The following NCKAP5 variants were observed in gnomAD, a reference collection of about 807,000 sequenced individuals.
The protein encoded by NCKAP5 is NCK associated protein 5.
Under a neutral mutation model 167.0 loss-of-function variants are expected in NCKAP5, and 92 were observed. The observed-to-expected ratio is 0.55, with a 90% CI of 0.47 to 0.66. NCKAP5 has a LOEUF of 0.66. Among genes scored for constraint, NCKAP5 ranks in the 30% least tolerant of loss-of-function variants. The pLI, the probability that NCKAP5 is intolerant of heterozygous loss-of-function variation, is 0.00. For missense variants in NCKAP5, 2,378 were observed against 2,315.0 expected (o/e 1.03, Z -0.56); for synonymous variants, 891 against 877.4 (o/e 1.02, Z -0.27).
chr2:133,359,606 G>A (rs1684964748), intron 3 of NCKAP5, among the ~76,000 whole-genome samples: 1 of 152,198 alleles, frequency 6.6e-6, no homozygotes, highest in East Asian at 1.9e-4. Context: ...AAAAGTTATT[G>A]AATTCACCAT....
intron 3 of NCKAP5, among the ~76,000 whole-genome samples, chr2:133,445,517 A>C (rs1691138501): frequency 1.3e-5 from 2 of 152,198 alleles, no homozygotes; most frequent in Non-Finnish European, 2.9e-5. Context: ...CCCTGACTTC[A>C]AACTCTAAAT....
chr2:133,591,621 G>C, the NCKAP5 span, among the ~76,000 whole-genome samples: 1 of 152,140 alleles, frequency 6.6e-6, no homozygotes, highest in Admixed American at 6.6e-5. Context: ...GAAAGCGCTT[G>C]GGCGGCACAA....
chr2:133,520,943 C>T (rs562788505), intron 2 of NCKAP5, among the ~76,000 whole-genome samples: 73 of 152,242 alleles, frequency 4.8e-4, no homozygotes, highest in Middle Eastern at 3.4e-3. Flanking sequence ...CATGTACTGG[C>T]CCCACTCCAA....
rs548038000 is a variant in NCKAP5 at position 133,531,690 on chromosome 2, G to C, written c.-61-14103C>G. On this transcript the variant is annotated intron_variant, in intron 2 of 19. Coordinates refer to ENST00000409261, the MANE Select transcript of NCKAP5 (RefSeq NM_207363.3). Reference sequence around the variant, plus strand: ...AGTAATGTTTTTATCCATAAGAATGGGATTGATTTCTTTGTAGCTACCAAT... The same window carrying C: ...AGTAATGTTTTTATCCATAAGAATGCGATTGATTTCTTTGTAGCTACCAAT... Among the ~76,000 whole-genome samples the C allele has an allele frequency of 3.3e-5, 5 of 152,006 alleles. No homozygotes were observed. In the South Asian group the frequency reaches 8.3e-4, roughly 25 times the overall value.
rs746890756 is a variant in NCKAP5, at chr2:133,129,962, C to T, written c.341+16G>A. 5.7e-6 allele frequency: 9 copies of T among 1,585,578 alleles called. No homozygotes were observed. The highest frequency in any genetic ancestry group is 3.8e-5 in the Admixed American group (2 of 53,248). The stretch of plus-strand genomic sequence containing the variant: ...GATGCACCTCAGGAAGCAATCTGCT[C>T]AGCTAAGAACAATACCTGGAGAACT... On this transcript the variant is annotated intron_variant, in intron 6 of 19. Coordinates refer to ENST00000409261, the MANE Select transcript of NCKAP5 (RefSeq NM_207363.3).
chr2:133,644,112 TG>T, the NCKAP5 span, among the ~76,000 whole-genome samples: 2 of 152,204 alleles, frequency 1.3e-5, no homozygotes, highest in African/African-American at 4.8e-5. Flanking sequence ...TAGTTAGTTA[TG>T]CATTATTCTG....
intron 3 of NCKAP5, among the ~76,000 whole-genome samples, chr2:133,307,289 A>G (rs1168997938): frequency 2.0e-5 from 3 of 152,240 alleles, no homozygotes; most frequent in Admixed American, 6.5e-5. Context: ...TGTGATTGAT[A>G]AAAAGGCCAG....
chr2:133,639,133 A>C, the NCKAP5 span, among the ~76,000 whole-genome samples: 1 of 152,184 alleles, frequency 6.6e-6, no homozygotes, highest in African/African-American at 2.4e-5. Context: ...TATACCATCT[A>C]CTAGGTTGGC....
chr2:133,514,074 C>T (rs1188867276), intron 3 of NCKAP5, among the ~76,000 whole-genome samples: 4 of 152,080 alleles, frequency 2.6e-5, no homozygotes, highest in Non-Finnish European at 4.4e-5. Flanking sequence ...GAAGAGGACT[C>T]GATTTCTGGG....
chr2:133,279,985 T>A (rs184395312), intron 4 of NCKAP5, among the ~76,000 whole-genome samples: 2 of 152,360 alleles, frequency 1.3e-5, no homozygotes, highest in East Asian at 3.9e-4. Context: ...CAATTTTTAA[T>A]AATACATCTT....
intron 8 of NCKAP5, among the ~76,000 whole-genome samples, chr2:132,902,640 A>T (rs578258407): frequency 1.1e-4 from 16 of 152,318 alleles, no homozygotes; most frequent in Admixed American, 3.3e-4. Flanking sequence ...TTTTCAGCAT[A>T]AAAGGCTTGA....
At chr2:132,726,312 T>C (rs1411317040) in intron 18 of NCKAP5, among the ~76,000 whole-genome samples, 1 of 152,226 alleles carries the variant, frequency 6.6e-6, no homozygotes, top group African/African-American at 2.4e-5. Context: ...TCCTCAAATC[T>C]GCTGACAGTT....
intron 3 of NCKAP5, among the ~76,000 whole-genome samples, chr2:133,499,379 G>C (rs891683154): frequency 6.6e-6 from 1 of 152,102 alleles, no homozygotes; most frequent in Non-Finnish European, 1.5e-5. Flanking sequence ...TCATCTGTGG[G>C]TTCTAAAAAT....
At position 133,147,204 on chromosome 2, in the gene NCKAP5, AC is replaced by A. The variant is rs200404412; in HGVS notation, c.208-17094del. On this transcript the variant is annotated intron_variant, in intron 5 of 19. Transcript: ENST00000409261. ...GAAGAGTGTTGAACTAATCACATCA[AC>A]CAGTGTTTACTAAATATTAATACCT... Among the ~76,000 whole-genome samples, 1,213 of 152,268 alleles carry A rather than the reference AC, an allele frequency of 8.0e-3. 19 individuals carry two copies. Among genetic ancestry groups the A allele is most frequent in the African/African-American group, 0.028 (1,158 of 41,564 alleles).
intron 6 of NCKAP5, among the ~76,000 whole-genome samples, chr2:133,116,343 C>A (rs1448245379): frequency 8.0e-6 from 1 of 125,262 alleles, no homozygotes; most frequent in East Asian, 3.3e-4. Flanking sequence ...AAAAAATTAG[C>A]CGGGCGTGGT....
chr2:133,087,181 G>A (rs2081021836), intron 6 of NCKAP5, among the ~76,000 whole-genome samples: 1 of 152,136 alleles, frequency 6.6e-6, no homozygotes. Flanking sequence ...ACCAAGAGAG[G>A]TTGCTGAAAC....
At chr2:133,099,440 G>A (rs2081435883) in intron 6 of NCKAP5, among the ~76,000 whole-genome samples, 1 of 152,084 alleles carries the variant, frequency 6.6e-6, no homozygotes, top group South Asian at 2.1e-4. Context: ...TTCCTCCTGT[G>A]TTTATCACTG....
chr2:133,017,924 A>T (rs567302197), intron 6 of NCKAP5, among the ~76,000 whole-genome samples: 23 of 152,302 alleles, frequency 1.5e-4, no homozygotes, highest in Admixed American at 1.3e-3. Context: ...AAGAGCAGCA[A>T]ATCACAGCTC....
At chr2:133,349,183 T>C (rs956978782) in intron 3 of NCKAP5, among the ~76,000 whole-genome samples, 6 of 152,240 alleles carry the variant, frequency 3.9e-5, no homozygotes, top group African/African-American at 1.2e-4. Flanking sequence ...TCCCCCATTC[T>C]GTAGCATTTG....
Sources: gnomAD v4.1 joint callset for allele counts (sites outside exome capture counted in the v4.1 genomes callset) on GRCh38, gnomAD v4.1.1 for gene constraint, MANE v1.5 for transcripts, NCBI Gene and HGNC (gene_info 2026-07-23, HGNC 2026-07-21) for gene names.